The following MSI2 variants were observed in gnomAD, a reference collection of about 807,000 sequenced individuals.
The protein encoded by MSI2 is musashi RNA binding protein 2.
Under a neutral mutation model 45.6 loss-of-function variants are expected in MSI2, and 17 were observed. That is an observed-to-expected ratio of 0.37 (90% confidence interval 0.26 to 0.56). MSI2 has a LOEUF of 0.56. Ranked by LOEUF, MSI2 falls within the 20% of genes least tolerant of loss-of-function variation. MSI2 has a pLI of 0.77. For synonymous variants in MSI2, 156 were observed against 158.2 expected, an observed-to-expected ratio of 0.99 and a Z score of 0.11; for missense variants, 293 against 444.2, an observed-to-expected ratio of 0.66 and a Z score of 3.06.
intron 6 of MSI2, among the ~76,000 whole-genome samples, chr17:57,472,108 C>T (rs1004862049): frequency 6.6e-6 from 1 of 152,154 alleles, no homozygotes; most frequent in Non-Finnish European, 1.5e-5. Flanking sequence ...GGAGTTGCTG[C>T]CGGTTCCTGC....
chr17:57,517,854 C>T (rs1016654443), intron 6 of MSI2, among the ~76,000 whole-genome samples: 2 of 152,088 alleles, frequency 1.3e-5, no homozygotes, highest in Non-Finnish European at 2.9e-5. Flanking sequence ...GAGTCCACCT[C>T]CCATCAGAGT....
At chr17:57,686,261 G>C (rs1344686621), downstream of MSI2, among the ~76,000 whole-genome samples, 2 of 152,062 alleles carry the variant, frequency 1.3e-5, no homozygotes. Context: ...AGGTAGGACA[G>C]TACCAAGCTA....
At chr17:57,582,774 A>G (rs926720610) in intron 7 of MSI2, among the ~76,000 whole-genome samples, 8 of 152,148 alleles carry the variant, frequency 5.3e-5, no homozygotes, top group African/African-American at 1.2e-4. Context: ...TTGCATTTTT[A>G]TATTTTTAAC....
intron 5 of MSI2, among the ~76,000 whole-genome samples, chr17:57,375,604 T>C (rs769246317): frequency 1.3e-5 from 2 of 151,998 alleles, no homozygotes; most frequent in Non-Finnish European, 2.9e-5. Context: ...GAGGAGGAGA[T>C]GATGATGTAA....
intron 5 of MSI2, among the ~76,000 whole-genome samples, chr17:57,350,899 A>G (rs1915982863): frequency 6.6e-6 from 1 of 152,188 alleles, no homozygotes; most frequent in South Asian, 2.1e-4. Context: ...GATTGTTTAC[A>G]GAGGTGTAGA....
At chr17:57,442,211 A>G (rs1291085790) in intron 6 of MSI2, among the ~76,000 whole-genome samples, 2 of 151,636 alleles carry the variant, frequency 1.3e-5, no homozygotes, top group Non-Finnish European at 1.5e-5. Flanking sequence ...TAATTTTTGT[A>G]TTTTTAGTTG....
At chr17:57,575,976 A>G (rs796459297) in intron 7 of MSI2, among the ~76,000 whole-genome samples, 9 of 148,708 alleles carry the variant, frequency 6.1e-5, no homozygotes, top group Middle Eastern at 3.6e-3. Context: ...AAAAAATTGG[A>G]AAAGGAGGCT....
At chr17:57,451,846 G>C (rs2085025132) in intron 6 of MSI2, among the ~76,000 whole-genome samples, 2 of 152,304 alleles carry the variant, frequency 1.3e-5, no homozygotes, top group Admixed American at 6.5e-5. Flanking sequence ...CCCAGTAGAG[G>C]CAGTTTGGTC....
chr17:57,291,835 C>T (rs1201883798), intron 5 of MSI2, among the ~76,000 whole-genome samples: 1 of 151,992 alleles, frequency 6.6e-6, no homozygotes, highest in African/African-American at 2.4e-5. Context: ...GAACTGAAGA[C>T]CCCACTGTCT....
intron 7 of MSI2, among the ~76,000 whole-genome samples, chr17:57,545,956 G>A (rs1238028366): frequency 1.3e-5 from 2 of 152,124 alleles, no homozygotes; most frequent in African/African-American, 4.8e-5. Context: ...AGATTATTGG[G>A]GTGGGGGAGG....
At chr17:57,585,735 C>G (rs752050556) in intron 7 of MSI2, among the ~76,000 whole-genome samples, 3 of 152,258 alleles carry the variant, frequency 2.0e-5, no homozygotes, top group Non-Finnish European at 4.4e-5. Context: ...GAACTTCCAG[C>G]TGATACCCCA....
chr17:57,497,102 A>G (rs758492509), intron 6 of MSI2, among the ~76,000 whole-genome samples: 2 of 152,110 alleles, frequency 1.3e-5, no homozygotes, highest in Non-Finnish European at 2.9e-5. Context: ...CTCGCCTCCC[A>G]AGTAGCTAGG....
rs528118732 is a variant in MSI2 at position 57,603,710 on chromosome 17, AAT to A, written c.537+6766_537+6767del. ...ATTGTAGCACAAACACAGTCCAGGC[AAT>A]ATATAAATGAAGGGGCGTGGCTGTG... On this transcript the variant is annotated intron_variant, in intron 8 of 13. Transcript: ENST00000284073. Among the ~76,000 whole-genome samples, 3 of 152,320 alleles carry A rather than the reference AAT, an allele frequency of 2.0e-5. No homozygotes were observed. In the South Asian group the frequency reaches 6.2e-4, roughly 32 times the overall value.
chr17:57,274,886 A>T (rs1242676192), intron 5 of MSI2, among the ~76,000 whole-genome samples: 2 of 152,158 alleles, frequency 1.3e-5, no homozygotes, highest in East Asian at 1.9e-4. Context: ...TTCTGTACTT[A>T]AAAAAAGGGG....
intron 5 of MSI2, among the ~76,000 whole-genome samples, chr17:57,328,263 T>TATTC (rs1555579706): frequency 6.6e-6 from 1 of 150,694 alleles, no homozygotes; most frequent in African/African-American, 2.5e-5. Flanking sequence ...TGTATTCATC[T>TATTC]ATCCATCCAT....
In MSI2 at chr17:57,680,100, G is replaced by C. The variant is rs1401069288; in HGVS notation, c.*583G>C. On this transcript the variant is annotated 3_prime_UTR_variant, in exon 14 of 14. Transcript: ENST00000284073. The stretch of plus-strand genomic sequence containing the variant: ...CACTGAAGCAAAGTTGTGAAGTGCA[G>C]GGCGGGAGGTGGGCGTGAGCTTTCT... 1.8e-5 allele frequency: 4 copies of C among 228,370 alleles called. No individual in the cohort carries two copies. The highest frequency in any genetic ancestry group is 3.5e-5 in the Non-Finnish European group (4 of 115,076). 14.1% of individuals were successfully genotyped at this position (228,370 alleles called of 1,614,324 possible).
chr17:57,294,794 T>G (rs1910775636), intron 5 of MSI2: 1 of 152,322 alleles, frequency 6.6e-6, no homozygotes, highest in African/African-American at 2.4e-5. Context: ...TGAGAGGTAA[T>G]TAGCATTTAG....
At chr17:57,288,644 G>A (rs143718342) in intron 5 of MSI2, among the ~76,000 whole-genome samples, 1 of 152,300 alleles carries the variant, frequency 6.6e-6, no homozygotes, top group Non-Finnish European at 1.5e-5. Flanking sequence ...GATAGATGGT[G>A]CAGTTTGGTT....
At chr17:57,335,819 T>C (rs1402162866) in intron 5 of MSI2, among the ~76,000 whole-genome samples, 1 of 152,162 alleles carries the variant, frequency 6.6e-6, no homozygotes, top group African/African-American at 2.4e-5. Context: ...AGCACAGTGA[T>C]GGCAAAGGCC....
Sources: allele counts gnomAD v4.1 joint callset (sites outside exome capture counted in the v4.1 genomes callset), GRCh38; gene constraint gnomAD v4.1.1; transcripts MANE v1.5; gene names NCBI Gene and HGNC (gene_info 2026-07-23, HGNC 2026-07-21).